The following FOXN2 variants were observed in gnomAD, a reference collection of about 807,000 sequenced individuals.
FOXN2 encodes forkhead box protein N2.
A neutral mutation model predicts 41.2 loss-of-function variants in FOXN2; 19 were observed. The observed-to-expected ratio is 0.46, with a 90% CI of 0.32 to 0.68. The LOEUF (loss-of-function observed/expected upper bound fraction) is 0.68, where lower values mean the gene tolerates loss of function less well. FOXN2 is among the 30% of genes least tolerant of loss of function. The probability of loss-of-function intolerance (pLI) is 0.03; values close to 1 mark genes in which losing one functional copy is unlikely to be tolerated. For missense variants in FOXN2, 587 were observed against 509.4 expected (o/e 1.15, Z -1.47); for synonymous variants, 195 against 176.8 (o/e 1.10, Z -0.82).
intron 2 of FOXN2, among the ~76,000 whole-genome samples, chr2:48,344,561 TA>T (rs1670973824): frequency 6.6e-6 from 1 of 152,190 alleles, no homozygotes; most frequent in African/African-American, 2.4e-5. Context: ...GCCTACCTTA[TA>T]GGGTTTAATT....
intron 4 of FOXN2, among the ~76,000 whole-genome samples, chr2:48,362,403 C>T (rs1252820124): frequency 6.6e-6 from 1 of 151,548 alleles, no homozygotes; most frequent in African/African-American, 2.4e-5. Flanking sequence ...CTTTCTCTAC[C>T]AAAAAAAATT....
intron 1 of FOXN2, among the ~76,000 whole-genome samples, chr2:48,316,191 T>TA (rs1668906548): frequency 6.6e-6 from 1 of 152,292 alleles, no homozygotes; most frequent in Admixed American, 6.5e-5. Flanking sequence ...TCTTAAGACT[T>TA]ACCTCTGTTA....
intron 2 of FOXN2, among the ~76,000 whole-genome samples, chr2:48,333,400 A>T: frequency 6.6e-6 from 1 of 152,252 alleles, no homozygotes; most frequent in East Asian, 1.9e-4. Context: ...TATATTTAAA[A>T]TTCCTATATA....
At chr2:48,338,761 T>C (rs1670537595) in intron 2 of FOXN2, among the ~76,000 whole-genome samples, 1 of 152,174 alleles carries the variant, frequency 6.6e-6, no homozygotes, top group African/African-American at 2.4e-5. Context: ...TGAAATTGGA[T>C]AAAAAATACA....
At chr2:48,336,435 A>G (rs575051733) in intron 2 of FOXN2, among the ~76,000 whole-genome samples, 7 of 146,086 alleles carry the variant, frequency 4.8e-5, no homozygotes, top group South Asian at 2.1e-4. Context: ...ATATATGTAT[A>G]TGTGTGTGTG....
At chr2:48,356,409 C>T (rs958355647) in intron 3 of FOXN2, among the ~76,000 whole-genome samples, 1 of 152,044 alleles carries the variant, frequency 6.6e-6, no homozygotes, top group Non-Finnish European at 1.5e-5. Context: ...CCACTGCACT[C>T]CAGCCTGATT....
rs1328748707 is a variant in FOXN2, at chr2:48,328,297, G to C, written c.-156-264G>C. ...TTGATATCATGGGGGATTGATTCTG[G>C]GACCTCCTGAAGATACCAAAATCCA... On this transcript the variant is annotated intron_variant, in intron 1 of 6. Coordinates refer to ENST00000340553, the MANE Select transcript of FOXN2 (RefSeq NM_002158.4). Among the ~76,000 whole-genome samples, 5 of 151,942 alleles carry C rather than the reference G, an allele frequency of 3.3e-5. No homozygotes were observed. In the East Asian group the frequency reaches 9.6e-4, roughly 29 times the overall value.
intron 3 of FOXN2, among the ~76,000 whole-genome samples, chr2:48,350,246 C>A (rs1287448233): frequency 6.6e-6 from 1 of 152,204 alleles, no homozygotes; most frequent in African/African-American, 2.4e-5. Context: ...AGCCAGTTTT[C>A]TGCTCATTCC....
intron 3 of FOXN2, among the ~76,000 whole-genome samples, chr2:48,354,407 C>G (rs1191954703): frequency 1.3e-5 from 2 of 152,210 alleles, no homozygotes; most frequent in East Asian, 1.9e-4. Flanking sequence ...CAAGTCCAGC[C>G]TGGCCAACAG....
intron 2 of FOXN2, among the ~76,000 whole-genome samples, chr2:48,342,660 C>T (rs933385982): frequency 2.6e-5 from 4 of 152,108 alleles, no homozygotes; most frequent in African/African-American, 9.7e-5. Context: ...TTGTGGTGGA[C>T]TTGGTGTTCC....
intron 5 of FOXN2, among the ~76,000 whole-genome samples, chr2:48,368,525 C>G (rs1558640286): frequency 6.6e-6 from 1 of 152,124 alleles, no homozygotes; most frequent in Non-Finnish European, 1.5e-5. Flanking sequence ...AACCCCATCT[C>G]TACCAAAAAT....
At chr2:48,337,372 G>A (rs914325187) in intron 2 of FOXN2, among the ~76,000 whole-genome samples, 1 of 150,106 alleles carries the variant, frequency 6.7e-6, no homozygotes, top group African/African-American at 2.5e-5. Context: ...ATCTCAGCTC[G>A]CTGTAACCTC....
intron 6 of FOXN2, 54 bp from the exon 7 acceptor site, chr2:48,374,865 CT>C: frequency 6.8e-7 from 1 of 1,466,224 alleles, no homozygotes; most frequent in Non-Finnish European, 9.2e-7. Context: ...TAAAATTGGT[CT>C]GTTTTTGCAA....
chr2:48,325,844 C>CTCT (rs1394016774), intron 1 of FOXN2, among the ~76,000 whole-genome samples: 1 of 102,932 alleles, frequency 9.7e-6, no homozygotes, highest in African/African-American at 3.6e-5. Context: ...CTCAAGATTT[C>CTCT]TTTTTTTTTT....
At chr2:48,372,484 A>G (rs114532587) in intron 5 of FOXN2, among the ~76,000 whole-genome samples, 3,591 of 152,310 alleles carry the variant, frequency 0.024, 59 homozygotes, top group Non-Finnish European at 0.036. Context: ...TAAAATTTAT[A>G]AACATTTTCT....
chr2:48,353,587 TG>T, intron 3 of FOXN2, among the ~76,000 whole-genome samples: 2 of 147,926 alleles, frequency 1.4e-5, no homozygotes, highest in Non-Finnish European at 3.0e-5. Context: ...TGTGTGTGTG[TG>T]TGTGTGTGTG....
chr2:48,361,338 C>A (rs911062487), intron 4 of FOXN2, among the ~76,000 whole-genome samples: 1 of 151,780 alleles, frequency 6.6e-6, no homozygotes, highest in Non-Finnish European at 1.5e-5. Flanking sequence ...TGGTGGCACG[C>A]GCCTGTAACC....
At chr2:48,359,499 G>A (rs558687396) in intron 4 of FOXN2, among the ~76,000 whole-genome samples, 1 of 152,192 alleles carries the variant, frequency 6.6e-6, no homozygotes, top group East Asian at 1.9e-4. Flanking sequence ...TCACCATGTT[G>A]GCCTGGGTGG....
chr2:48,324,272 G>T (rs933194312), intron 1 of FOXN2, among the ~76,000 whole-genome samples: 2 of 144,576 alleles, frequency 1.4e-5, no homozygotes, highest in Non-Finnish European at 1.5e-5. Flanking sequence ...CTTGCTCACT[G>T]CAACCTCCTC....
Sources: gnomAD v4.1 joint callset for allele counts (sites outside exome capture counted in the v4.1 genomes callset) on GRCh38, gnomAD v4.1.1 for gene constraint, MANE v1.5 for transcripts, NCBI Gene and HGNC (gene_info 2026-07-23, HGNC 2026-07-21) for gene names.